The following ITGB5 variants were observed in gnomAD, a reference collection of about 807,000 sequenced individuals.
The protein encoded by ITGB5 is integrin beta-5.
In ITGB5, 38 loss-of-function variants were observed where a neutral mutation model predicts 84.8. The observed-to-expected ratio is 0.45, with a 90% confidence interval of 0.35 to 0.59. The LOEUF is 0.59. Among genes scored for constraint, ITGB5 ranks in the 20% least tolerant of loss-of-function variants. The pLI is 0.01. For synonymous variants in ITGB5, 393 were observed against 414.4 expected (o/e 0.95, Z 0.63); for missense variants, 905 against 1,034.5 (o/e 0.87, Z 1.72).
chr3:124,817,797 T>A, intron 7 of ITGB5, 87 bp from the exon 8 acceptor site: 1 of 716,606 alleles, frequency 1.4e-6, no homozygotes, highest in East Asian at 2.8e-5. Flanking sequence ...GCTAGAACAG[T>A]AAAGGCTCCT....
At chr3:124,802,386 A>C (rs1335197958) in intron 9 of ITGB5, among the ~76,000 whole-genome samples, 1 of 152,184 alleles carries the variant, frequency 6.6e-6, no homozygotes, top group Non-Finnish European at 1.5e-5. Flanking sequence ...GCCTGAGAGA[A>C]GGGATGGAAA....
At position 124,821,141 on chromosome 3, in the gene ITGB5, C is replaced by T. The variant is rs61760576; in HGVS notation, c.942+172G>A. On this transcript the variant is annotated intron_variant, in intron 6 of 14. Coordinates refer to ENST00000296181, the MANE Select transcript of ITGB5 (RefSeq NM_002213.5). ...AATGTTGTAAGTCAATTAGGAGTTC[C>T]GGAAACCCAGTTGGAGAAGACTGAA... 3.2e-3 allele frequency among the ~76,000 whole-genome samples: 493 copies of T among 152,284 alleles called. 1 individual carries two copies. The highest frequency in any genetic ancestry group is 0.012 in the African/African-American group (479 of 41,548).
chr3:124,783,290 C>CAAAAAAAAA (rs758967509), intron 10 of ITGB5, among the ~76,000 whole-genome samples: 1 of 56,988 alleles, frequency 1.8e-5, no homozygotes, highest in Non-Finnish European at 3.6e-5. Flanking sequence ...GACTCCGTCT[C>CAAAAAAAAA]AAAAAAAAAA....
intron 6 of ITGB5, 81 bp downstream of exon 6, chr3:124,821,232 C>G: frequency 6.8e-7 from 1 of 1,475,048 alleles, no homozygotes; most frequent in Non-Finnish European, 9.2e-7. Flanking sequence ...AGGAAGGTTT[C>G]AAGGCTGGGC....
chr3:124,766,945 C>T (rs866724521), intron 12 of ITGB5, among the ~76,000 whole-genome samples: 4 of 152,212 alleles, frequency 2.6e-5, no homozygotes, highest in Admixed American at 6.5e-5. Flanking sequence ...TGGCCCTGAA[C>T]GTGGCCCGGC....
upstream of ITGB5, among the ~76,000 whole-genome samples, chr3:124,889,814 A>G (rs908008028): frequency 1.3e-5 from 2 of 152,184 alleles, no homozygotes; most frequent in African/African-American, 2.4e-5. Flanking sequence ...AAAGTTCGAG[A>G]TGAGCCTGGC....
intron 1 of ITGB5, among the ~76,000 whole-genome samples, chr3:124,876,559 G>GC (rs1934327429): frequency 6.6e-6 from 1 of 152,176 alleles, no homozygotes; most frequent in African/African-American, 2.4e-5. Flanking sequence ...ACTTTAGAAG[G>GC]AAGAAATACC....
intron 12 of ITGB5, among the ~76,000 whole-genome samples, chr3:124,768,130 G>C (rs2063792634): frequency 6.6e-6 from 1 of 152,186 alleles, no homozygotes; most frequent in Admixed American, 6.5e-5. Context: ...GAACAAGGAA[G>C]TCTACAAAAG....
chr3:124,851,511 G>C lies in ITGB5; in HGVS notation c.362-2953C>G, dbSNP rs574916974. On this transcript the variant is annotated intron_variant, in intron 3 of 14. Transcript: ENST00000296181. ...AGACATGAGGGCTGAGGGAAAGAAG[G>C]CATGATATATAGGTCCCTTTGTATC... Among the ~76,000 whole-genome samples, 4 of 151,990 alleles carry C rather than the reference G, an allele frequency of 2.6e-5. No homozygotes were observed. The East Asian group carries it at 7.8e-4, about 29-fold the overall frequency.
intron 4 of ITGB5, among the ~76,000 whole-genome samples, chr3:124,842,521 G>A (rs1471210303): frequency 6.6e-6 from 1 of 152,228 alleles, no homozygotes; most frequent in African/African-American, 2.4e-5. Flanking sequence ...TGGCAGAAGG[G>A]AGCACAGAGC....
chr3:124,872,701 C>A (rs1473569387), intron 2 of ITGB5, among the ~76,000 whole-genome samples: 3 of 152,190 alleles, frequency 2.0e-5, no homozygotes, highest in Admixed American at 6.5e-5. Context: ...AGAAATCGAT[C>A]ATTTTCTGAT....
At chr3:124,814,481 A>C (rs1393049024) in intron 8 of ITGB5, among the ~76,000 whole-genome samples, 1 of 146,044 alleles carries the variant, frequency 6.8e-6, no homozygotes, top group African/African-American at 2.5e-5. Context: ...TCCAATTTAA[A>C]AAAAAAAAAA....
chr3:124,811,808 T>C (rs967305647), intron 8 of ITGB5, among the ~76,000 whole-genome samples: 4 of 152,066 alleles, frequency 2.6e-5, no homozygotes, highest in African/African-American at 9.7e-5. Flanking sequence ...AAACCTCTCA[T>C]GTATGGAAGC....
chr3:124,878,663 A>C (rs1224708389), intron 1 of ITGB5: 1 of 152,212 alleles, frequency 6.6e-6, no homozygotes, highest in African/African-American at 2.4e-5. Context: ...CAGGTACTCC[A>C]GGATCCAAAA....
intron 5 of ITGB5, among the ~76,000 whole-genome samples, chr3:124,839,455 T>C (rs963332036): frequency 2.6e-5 from 4 of 152,208 alleles, no homozygotes; most frequent in Non-Finnish European, 5.9e-5. Context: ...TGATCAATCA[T>C]GCCCTTTCAA....
At chr3:124,879,753 ATACT>A (rs1293677090) in intron 1 of ITGB5, among the ~76,000 whole-genome samples, 3 of 152,268 alleles carry the variant, frequency 2.0e-5, no homozygotes, top group African/African-American at 7.2e-5. Context: ...AGCAAGATAC[ATACT>A]GTGTTTTGTG....
At chr3:124,878,071 G>A (rs911558028) in intron 1 of ITGB5, among the ~76,000 whole-genome samples, 4 of 152,084 alleles carry the variant, frequency 2.6e-5, no homozygotes, top group African/African-American at 9.7e-5. Flanking sequence ...TTCTGACTTC[G>A]ACTCCTGACT....
rs760589255 is a variant in ITGB5, at chr3:124,773,893, G to A, written c.1713C>T (p.Cys571=). 7.4e-6 allele frequency: 12 copies of A among 1,614,126 alleles called. No homozygotes were observed. The highest frequency in any genetic ancestry group is 3.3e-5 in the South Asian group (3 of 91,084). Residue 571 remains cysteine (C), a synonymous_variant, in exon 11 of 15, where the codon TGC becomes TGT. Transcript: ENST00000296181. ...AACCTGCATGGCACTTGCATTCCCC[G>A]CAGTGACACTCGCCATGGCCTAAAA... ...VLCSGHGECH[C]GECKCHAGYI...
intron 5 of ITGB5, among the ~76,000 whole-genome samples, chr3:124,831,481 C>T (rs1302517836): frequency 6.6e-6 from 1 of 152,118 alleles, no homozygotes; most frequent in South Asian, 2.1e-4. Flanking sequence ...GATTCAAGGA[C>T]GCCCCGTGGG....
Sources: allele counts gnomAD v4.1 joint callset (sites outside exome capture counted in the v4.1 genomes callset), GRCh38; gene constraint gnomAD v4.1.1; transcripts MANE v1.5; gene names NCBI Gene and HGNC (gene_info 2026-07-23, HGNC 2026-07-21).